TENM4: variants seen among roughly 807,000 people sequenced by gnomAD.
TENM4 encodes the protein teneurin transmembrane protein 4.
TENM4 carries 82 observed loss-of-function variants against 243.3 expected under a neutral mutation model. The ratio of observed to expected loss-of-function variants is 0.34; its 90% CI spans 0.28 to 0.40. The LOEUF (loss-of-function observed/expected upper bound fraction) is 0.40. Among genes scored for constraint, TENM4 ranks in the 10% least tolerant of loss-of-function variants. TENM4 has a pLI of 1.00. For synonymous variants in TENM4, 1,412 were observed against 1,456.3 expected (o/e 0.97, Z 0.69); for missense variants, 3,138 against 3,673.3 (o/e 0.85, Z 3.77).
Position 79,313,517 on chromosome 11 carries a change from A to G in TENM4, c.-320-15974T>C, listed in dbSNP as rs1856754697. 2.0e-5 allele frequency among the ~76,000 whole-genome samples: 3 copies of G among 152,232 alleles called. No homozygotes were observed. In the South Asian group the frequency reaches 6.2e-4, roughly 32 times the overall value. On this transcript the variant is annotated intron_variant, in intron 1 of 33. Transcript: ENST00000278550. ...CCCTTAGCTCTAAATACACTTGCTAATAACTCTTTCACAGAAAGAGCTCCA... is the reference window on the plus strand; with the variant it reads ...CCCTTAGCTCTAAATACACTTGCTAGTAACTCTTTCACAGAAAGAGCTCCA...
chr11:79,395,326 G>T (rs530420602), intron 1 of TENM4, among the ~76,000 whole-genome samples: 5 of 152,340 alleles, frequency 3.3e-5, no homozygotes, highest in Middle Eastern at 6.8e-3. Context: ...TCAGGTGATA[G>T]TTGAGTGCCT....
intron 27 of TENM4, among the ~76,000 whole-genome samples, chr11:78,702,783 G>C (rs1251350396): frequency 6.6e-6 from 1 of 152,216 alleles, no homozygotes; most frequent in African/African-American, 2.4e-5. Context: ...AAATGGGAAT[G>C]ACAAGAGCAC....
intron 27 of TENM4, among the ~76,000 whole-genome samples, chr11:78,702,934 T>C (rs993258364): frequency 1.3e-5 from 2 of 151,930 alleles, no homozygotes; most frequent in African/African-American, 4.8e-5. Flanking sequence ...GTTGATATGA[T>C]ACATGTATGA....
chr11:78,809,649 G>A (rs1857456782), intron 14 of TENM4, among the ~76,000 whole-genome samples: 1 of 152,204 alleles, frequency 6.6e-6, no homozygotes, highest in African/African-American at 2.4e-5. Flanking sequence ...GGGGTGGAAG[G>A]GAGTGGTGAT....
intron 2 of TENM4, among the ~76,000 whole-genome samples, chr11:79,284,747 AAG>A (rs1391554455): frequency 2.0e-5 from 3 of 152,348 alleles, no homozygotes; most frequent in Non-Finnish European, 4.4e-5. Flanking sequence ...GAACATTATC[AAG>A]AGAGTAAAAA....
intron 5 of TENM4, among the ~76,000 whole-genome samples, 176 bp from the exon 6 acceptor site, chr11:79,065,183 C>T (rs890338385): frequency 1.3e-5 from 2 of 152,172 alleles, no homozygotes; most frequent in Non-Finnish European, 2.9e-5. Context: ...GCTTTTTCTG[C>T]CCCCTCTTCA....
At chr11:79,197,188 C>T (rs1182295473) in intron 3 of TENM4, among the ~76,000 whole-genome samples, 2 of 152,024 alleles carry the variant, frequency 1.3e-5, no homozygotes, top group African/African-American at 4.8e-5. Context: ...GAGAGCAGTT[C>T]GTCTTGCTGG....
intron 4 of TENM4, among the ~76,000 whole-genome samples, chr11:79,114,105 G>A (rs915841449): frequency 6.6e-6 from 1 of 152,084 alleles, no homozygotes. Flanking sequence ...TCAACGCCTT[G>A]CTGCCAACCC....
intron 1 of TENM4, among the ~76,000 whole-genome samples, chr11:79,353,487 A>G (rs1164425680): frequency 2.0e-5 from 3 of 152,196 alleles, no homozygotes; most frequent in Non-Finnish European, 4.4e-5. Context: ...CTGACAAGCC[A>G]GACTCTGAAC....
At chr11:78,984,648 C>A (rs142678431) in intron 6 of TENM4, among the ~76,000 whole-genome samples, 8 of 152,272 alleles carry the variant, frequency 5.3e-5, no homozygotes, top group African/African-American at 1.9e-4. Flanking sequence ...GTTCTTCCTT[C>A]TAATGCACCA....
At chr11:78,686,935 G>A (rs1477732893) in intron 29 of TENM4, among the ~76,000 whole-genome samples, 1 of 152,184 alleles carries the variant, frequency 6.6e-6, no homozygotes, top group Non-Finnish European at 1.5e-5. Flanking sequence ...TTTTCTCATG[G>A]TAAGTTAAAC....
intron 6 of TENM4, among the ~76,000 whole-genome samples, chr11:78,939,731 T>C (rs1166801043): frequency 1.3e-5 from 2 of 152,162 alleles, no homozygotes; most frequent in African/African-American, 4.8e-5. Context: ...CTTAGAACAA[T>C]CCATAGCACT....
intron 16 of TENM4, among the ~76,000 whole-genome samples, chr11:78,781,727 G>A (rs1856841121): frequency 7.5e-6 from 1 of 132,984 alleles, no homozygotes; most frequent in Admixed American, 7.2e-5. Flanking sequence ...AAGAAACAAG[G>A]ATCACTACAG....
At chr11:79,120,146 T>C (rs1254338905) in intron 4 of TENM4, among the ~76,000 whole-genome samples, 1 of 152,174 alleles carries the variant, frequency 6.6e-6, no homozygotes, top group Admixed American at 6.5e-5. Flanking sequence ...GAGGGAGTGC[T>C]TGTCTATTGT....
chr11:79,377,148 GTC>G (rs1170603731), intron 1 of TENM4, among the ~76,000 whole-genome samples: 1 of 152,204 alleles, frequency 6.6e-6, no homozygotes, highest in Non-Finnish European at 1.5e-5. Context: ...AAGGAATGCT[GTC>G]AGCCACCAGA....
intron 9 of TENM4, among the ~76,000 whole-genome samples, chr11:78,877,373 C>T (rs1290558031): frequency 1.3e-4 from 20 of 152,188 alleles, no homozygotes; most frequent in Non-Finnish European, 1.5e-4. Context: ...ACTTCTCCTC[C>T]AGTTAGGTAT....
chr11:78,964,398 T>A (rs1020502812), intron 6 of TENM4, among the ~76,000 whole-genome samples: 1 of 152,190 alleles, frequency 6.6e-6, no homozygotes, highest in Admixed American at 6.5e-5. Flanking sequence ...GACAACATTT[T>A]ACAGAGTTGA....
At chr11:79,109,098 C>G (rs916036882) in intron 4 of TENM4, among the ~76,000 whole-genome samples, 1 of 152,294 alleles carries the variant, frequency 6.6e-6, no homozygotes, top group East Asian at 1.9e-4. Context: ...TGTCTGCCTA[C>G]AGAGGGATGT....
chr11:78,882,997 T>C (rs1024631580), intron 9 of TENM4, among the ~76,000 whole-genome samples: 1 of 152,214 alleles, frequency 6.6e-6, no homozygotes, highest in Non-Finnish European at 1.5e-5. Flanking sequence ...ACCCAGAAGA[T>C]GCAGAAGCCC....
Sources: allele counts gnomAD v4.1 joint callset (sites outside exome capture counted in the v4.1 genomes callset), GRCh38; gene constraint gnomAD v4.1.1; transcripts MANE v1.5; gene names NCBI Gene and HGNC (gene_info 2026-07-23, HGNC 2026-07-21).